Variants in FAM149B1 observed in about 807,000 individuals in gnomAD.
FAM149B1 encodes family with sequence similarity 149 member B1.
Under a neutral mutation model 75.3 loss-of-function variants are expected in FAM149B1, and 56 were observed. The observed-to-expected ratio is 0.74, with a 90% confidence interval of 0.60 to 0.93. The LOEUF is 0.93. FAM149B1 is among the 40% of genes least tolerant of loss of function. The probability of loss-of-function intolerance (pLI) is 0.00; values close to 1 mark genes in which losing one functional copy is unlikely to be tolerated. For missense variants in FAM149B1, 639 were observed against 708.4 expected (o/e 0.90, Z 1.11); for synonymous variants, 259 against 256.1 (o/e 1.01, Z -0.11).
intron 9 of FAM149B1, chr10:73,231,173 C>G (rs2043688553): frequency 6.6e-6 from 1 of 152,176 alleles, no homozygotes; most frequent in Non-Finnish European, 1.5e-5. Context: ...TGACCTCCTC[C>G]CTTGCTGAGG....
At chr10:73,233,284 G>A (rs1165329359) in intron 10 of FAM149B1, 121 bp downstream of exon 10, 1 of 722,794 alleles carries the variant, frequency 1.4e-6, no homozygotes, top group African/African-American at 1.8e-5. Flanking sequence ...GTAGTCTTAT[G>A]ACAGATTGCC....
chr10:73,214,757 CTTT>C (rs2043259721), intron 7 of FAM149B1, among the ~76,000 whole-genome samples: 1 of 152,040 alleles, frequency 6.6e-6, no homozygotes, highest in African/African-American at 2.4e-5. Context: ...TTGGGCTTTT[CTTT>C]TTTCATTGTG....
intron 7 of FAM149B1, 79 bp downstream of exon 7, chr10:73,210,517 C>A: frequency 9.8e-7 from 1 of 1,025,574 alleles, no homozygotes; most frequent in Non-Finnish European, 1.4e-6. Context: ...AGATGATATG[C>A]TTCTTAGTGC....
rs552693974 is a variant in FAM149B1, at chr10:73,169,633, A to T, written c.47+1247A>T. 3.4e-3 allele frequency among the ~76,000 whole-genome samples: 514 copies of T among 151,890 alleles called. 1 individual carries two copies. The highest frequency in any genetic ancestry group is 0.012 in the African/African-American group (492 of 41,396). ...CACCACAACTGGCTAATTAAAAAAA[A>T]ATTTTTTTTTGGTAGAGACAGGGTC... On this transcript the variant is annotated intron_variant, in intron 1 of 13. Transcript: ENST00000242505.
chr10:73,168,413 C>G (rs1843545273), intron 1 of FAM149B1, 27 bp downstream of exon 1: 1 of 1,548,370 alleles, frequency 6.5e-7, no homozygotes, highest in Admixed American at 2.0e-5. Context: ...GCCACCCCAG[C>G]CGGGGCGGGC....
chr10:73,208,522 G>A (rs1262403553), intron 5 of FAM149B1, 97 bp from the exon 6 acceptor site: 2 of 744,548 alleles, frequency 2.7e-6, no homozygotes, highest in African/African-American at 3.5e-5. Context: ...GTATTGCCAG[G>A]GCAAGGGGAG....
intron 12 of FAM149B1, 41 bp from the exon 13 acceptor site, chr10:73,239,271 G>A (rs1188124794): frequency 2.1e-5 from 31 of 1,478,700 alleles, no homozygotes; most frequent in Non-Finnish European, 2.8e-5. Context: ...TCCTTTGTGA[G>A]AAGATGCATC....
chr10:73,219,942 CATT>C lies in FAM149B1; in HGVS notation c.899-8115_899-8113del, dbSNP rs1338707957. 4.6e-5 allele frequency among the ~76,000 whole-genome samples: 7 copies of C among 151,054 alleles called. No homozygotes were observed. The East Asian group carries it at 1.4e-3, about 29-fold the overall frequency. ...ATGTAAAACTTTGTGCTATAAAAGACATTATCAAGGAAGCGAAAGACAACCTGT... is the reference window on the plus strand; with the variant it reads ...ATGTAAAACTTTGTGCTATAAAAGACATCAAGGAAGCGAAAGACAACCTGT... On this transcript the variant is annotated intron_variant, in intron 7 of 13. Coordinates refer to ENST00000242505, the MANE Select transcript of FAM149B1 (RefSeq NM_173348.2).
intron 7 of FAM149B1, among the ~76,000 whole-genome samples, chr10:73,221,757 T>G (rs534133322): frequency 6.6e-6 from 1 of 152,318 alleles, no homozygotes; most frequent in Admixed American, 6.5e-5. Context: ...AGGACTTTGG[T>G]CACTCATAAA....
intron 2 of FAM149B1, among the ~76,000 whole-genome samples, chr10:73,176,058 T>C (rs1449134410): frequency 6.6e-6 from 1 of 152,146 alleles, no homozygotes; most frequent in African/African-American, 2.4e-5. Flanking sequence ...ATTATACAAC[T>C]CACCATAATG....
chr10:73,177,940 A>G lies in FAM149B1; in HGVS notation c.247A>G (p.Thr83Ala). 6.4e-7 allele frequency: 1 copy of G among 1,551,500 alleles called. No homozygotes were observed. The highest frequency in any genetic ancestry group is 1.2e-5 in the South Asian group (1 of 84,052). Residue 83 changes from threonine (T) to alanine (A), a missense_variant, in exon 3 of 14, where the codon ACT becomes GCT. Coordinates refer to ENST00000242505, the MANE Select transcript of FAM149B1 (RefSeq NM_173348.2). ...FPSYTGAGISTEGSSDFSWGY... is the reference protein window; with the variant it reads ...FPSYTGAGISAEGSSDFSWGY... ...AAGTTATACAGGCGCAGGGATATCT[A>G]CTGAAGGAAGCTCGGACTTCTCCTG... is the stretch of plus-strand genomic sequence containing the variant.
At chr10:73,185,361 C>G (rs952562565) in intron 3 of FAM149B1, among the ~76,000 whole-genome samples, 4 of 152,122 alleles carry the variant, frequency 2.6e-5, no homozygotes, top group Non-Finnish European at 5.9e-5. Context: ...CCAGCCTGAG[C>G]AACATAGTGA....
At chr10:73,217,770 G>A (rs2043328833) in intron 7 of FAM149B1, among the ~76,000 whole-genome samples, 1 of 152,176 alleles carries the variant, frequency 6.6e-6, no homozygotes, top group African/African-American at 2.4e-5. Context: ...CACACTCAGA[G>A]TGGGGGAATT....
At chr10:73,179,651 T>C (rs1463787590) in intron 3 of FAM149B1, among the ~76,000 whole-genome samples, 3 of 151,730 alleles carry the variant, frequency 2.0e-5, no homozygotes, top group Admixed American at 6.6e-5. Flanking sequence ...AGCCTCCCAA[T>C]GTGCTGAGGT....
chr10:73,191,063 G>A (rs1001758245), intron 3 of FAM149B1, among the ~76,000 whole-genome samples: 30 of 152,088 alleles, frequency 2.0e-4, no homozygotes, highest in African/African-American at 5.6e-4. Flanking sequence ...TTTTTGAGAC[G>A]GAGTTTTGCT....
intron 7 of FAM149B1, among the ~76,000 whole-genome samples, chr10:73,226,089 TACC>T (rs997114212): frequency 2.7e-4 from 40 of 149,686 alleles, no homozygotes; most frequent in African/African-American, 9.4e-4. Context: ...ATGTGTATTT[TACC>T]ACAATAATTT....
rs1448990509 is a variant in FAM149B1 at position 73,228,302 on chromosome 10, GTGTT to G, written c.1023+120_1023+123del. The G allele has an allele frequency of 1.7e-5, 13 of 782,346 alleles. No individual in the cohort carries two copies. In the South Asian group the frequency reaches 2.2e-4, roughly 13 times the overall value. 48.5% of individuals were successfully genotyped at this position (782,346 alleles called of 1,614,324 possible). A position where few individuals can be genotyped will look rare whatever the true frequency, so the allele number is the denominator to read the frequency against. On this transcript the variant is annotated intron_variant, in intron 8 of 13. Transcript: ENST00000242505. ...ACTCAATATGTTTTAGTACAGTTAT[GTGTT>G]TATCATAATAATCCAGTGACTCTTC...
intron 1 of FAM149B1, among the ~76,000 whole-genome samples, chr10:73,170,427 C>G (rs1362169416): frequency 6.6e-6 from 1 of 152,018 alleles, no homozygotes; most frequent in African/African-American, 2.4e-5. Context: ...TTGCTTGAAC[C>G]TGGGAGGCGG....
chr10:73,212,865 T>TTCTCTCTCTC (rs57783137), intron 7 of FAM149B1, among the ~76,000 whole-genome samples: 32 of 150,880 alleles, frequency 2.1e-4, no homozygotes, highest in African/African-American at 3.6e-4. Context: ...CTCTCTGTGT[T>TTCTCTCTCTC]TCTCTCTCTC....
Sources: allele counts gnomAD v4.1 joint callset (sites outside exome capture counted in the v4.1 genomes callset), GRCh38; gene constraint gnomAD v4.1.1; transcripts MANE v1.5; gene names NCBI Gene and HGNC (gene_info 2026-07-23, HGNC 2026-07-21).